SGCD: variants seen among roughly 807,000 people sequenced by gnomAD.
SGCD encodes sarcoglycan delta, also known as delta-sarcoglycan.
In SGCD, 18 loss-of-function variants were observed where a neutral mutation model predicts 36.6. The observed-to-expected ratio is 0.49, with a 90% confidence interval of 0.34 to 0.73. The LOEUF (loss-of-function observed/expected upper bound fraction) is 0.73. Ranked by LOEUF, SGCD falls within the 30% of genes least tolerant of loss-of-function variation. The probability of loss-of-function intolerance (pLI) is 0.01; values close to 1 mark genes in which losing one functional copy is unlikely to be tolerated. For missense variants in SGCD, 387 were observed against 346.7 expected (o/e 1.12, Z -0.92); for synonymous variants, 133 against 130.6 (o/e 1.02, Z -0.12).
At chr5:156,392,360 G>C (rs1279025848) in intron 3 of SGCD, among the ~76,000 whole-genome samples, 1 of 152,198 alleles carries the variant, frequency 6.6e-6, no homozygotes, top group African/African-American at 2.4e-5. Context: ...GTGAAATGGG[G>C]AAAGTTCCCT....
At chr5:156,174,659 A>G (rs751892519) in intron 3 of SGCD, among the ~76,000 whole-genome samples, 3 of 152,216 alleles carry the variant, frequency 2.0e-5, no homozygotes, top group African/African-American at 7.2e-5. Context: ...GCCACAATAT[A>G]GGGTTATGGT....
chr5:156,172,307 A>G (rs913750341), intron 3 of SGCD, among the ~76,000 whole-genome samples: 3 of 152,138 alleles, frequency 2.0e-5, no homozygotes, highest in African/African-American at 7.2e-5. Context: ...AAAACAAACA[A>G]ACAAAAAACC....
At chr5:156,404,020 A>G (rs887168757) in intron 3 of SGCD, among the ~76,000 whole-genome samples, 3 of 151,958 alleles carry the variant, frequency 2.0e-5, no homozygotes, top group South Asian at 2.1e-4. Context: ...TTTTTAGTAG[A>G]GACAAGGTTT....
At chr5:156,469,386 G>A (rs1222166874) in intron 3 of SGCD, among the ~76,000 whole-genome samples, 1 of 152,148 alleles carries the variant, frequency 6.6e-6, no homozygotes, top group Non-Finnish European at 1.5e-5. Context: ...GATAATCCAA[G>A]CTATTAAGAA....
chr5:156,121,366 C>CT (rs1271950358), intron 2 of SGCD, among the ~76,000 whole-genome samples: 22 of 152,234 alleles, frequency 1.4e-4, no homozygotes, highest in Admixed American at 3.9e-4. Flanking sequence ...CATCATCTCT[C>CT]TTTTATAGAA....
intron 7 of SGCD, among the ~76,000 whole-genome samples, chr5:156,688,352 C>A (rs994518556): frequency 3.9e-5 from 6 of 152,140 alleles, no homozygotes; most frequent in Non-Finnish European, 7.4e-5. Context: ...TTATTCACAG[C>A]AAGTACTGTT....
chr5:156,513,374 T>C (rs1757025795), intron 4 of SGCD, among the ~76,000 whole-genome samples: 2 of 152,202 alleles, frequency 1.3e-5, no homozygotes, highest in African/African-American at 2.4e-5. Flanking sequence ...TTCACCACTT[T>C]GTTATCTTCA....
intron 6 of SGCD, among the ~76,000 whole-genome samples, chr5:156,631,144 A>T (rs1434068591): frequency 6.6e-6 from 1 of 152,174 alleles, no homozygotes; most frequent in Non-Finnish European, 1.5e-5. Context: ...TTGAAAGCTG[A>T]GTCATTTTCA....
intron 4 of SGCD, among the ~76,000 whole-genome samples, chr5:156,563,399 C>G (rs963917017): frequency 1.3e-5 from 2 of 152,060 alleles, no homozygotes; most frequent in African/African-American, 4.8e-5. Flanking sequence ...ACAGAGAGAC[C>G]AAGGGAAATA....
At chr5:156,409,821 G>A (rs1427935280) in intron 3 of SGCD, among the ~76,000 whole-genome samples, 1 of 152,052 alleles carries the variant, frequency 6.6e-6, no homozygotes, top group Non-Finnish European at 1.5e-5. Flanking sequence ...CACCATCCCA[G>A]CCTCCTCATT....
At chr5:156,180,264 T>C (rs550278289) in intron 3 of SGCD, among the ~76,000 whole-genome samples, 1 of 152,306 alleles carries the variant, frequency 6.6e-6, no homozygotes, top group African/African-American at 2.4e-5. Context: ...ACCATAATAC[T>C]TAATGGTGAA....
At chr5:156,424,245 C>G (rs976662501) in intron 3 of SGCD, among the ~76,000 whole-genome samples, 3 of 151,878 alleles carry the variant, frequency 2.0e-5, no homozygotes, top group African/African-American at 7.3e-5. Flanking sequence ...TGGTGTGTAT[C>G]TGATTTCTTC....
chr5:156,633,725 TC>T (rs151318600), intron 6 of SGCD, among the ~76,000 whole-genome samples: 3,534 of 152,268 alleles, frequency 0.023, 143 homozygotes, highest in African/African-American at 0.08. Context: ...CCCACAGTAA[TC>T]TGCTAGGAAA....
At chr5:156,480,522 A>G (rs1258460118) in intron 3 of SGCD, among the ~76,000 whole-genome samples, 1 of 152,242 alleles carries the variant, frequency 6.6e-6, no homozygotes, top group Admixed American at 6.5e-5. Flanking sequence ...CACTGTGCAA[A>G]GGAAATCAGA....
chr5:155,865,040 TGAG>T, the SGCD span, among the ~76,000 whole-genome samples: 1 of 151,888 alleles, frequency 6.6e-6, no homozygotes, highest in Non-Finnish European at 1.5e-5. Context: ...TAAAACCTAT[TGAG>T]GACCCCAAAG....
Position 156,523,792 on chromosome 5 carries a change from C to T in SGCD, c.294+15090C>T, listed in dbSNP as rs1222235587. Among the ~76,000 whole-genome samples the T allele has an allele frequency of 2.6e-5, 4 of 151,874 alleles. No homozygotes were observed. In the East Asian group the frequency reaches 5.8e-4, roughly 22 times the overall value. ...CAGTTTGGCATAGTCTCACCAGTCA[C>T]TATTGTGTCATACCCAGTTACTTAA... On this transcript the variant is annotated intron_variant, in intron 4 of 8. Transcript: ENST00000337851.
chr5:155,998,147 G>C (rs1758593927), intron 1 of SGCD, among the ~76,000 whole-genome samples: 1 of 152,188 alleles, frequency 6.6e-6, no homozygotes, highest in Non-Finnish European at 1.5e-5. Flanking sequence ...ATGAAGATCT[G>C]TGTTGCATTA....
the SGCD span, among the ~76,000 whole-genome samples, chr5:155,853,557 A>G: frequency 3.3e-5 from 5 of 152,192 alleles, no homozygotes; most frequent in Non-Finnish European, 5.9e-5. Flanking sequence ...CGCCTTTAAA[A>G]GTTGATTAAA....
rs570579378 is a variant in SGCD, at chr5:156,621,033, ATTAT to A, written c.502+25986_502+25989del. On this transcript the variant is annotated intron_variant, in intron 6 of 8. Transcript: ENST00000337851. ...TAGCATCAACAAGAAGCTTCTTGAC[ATTAT>A]TTAAGCTGTAGTGTAGGCAGTTCTT... 2.7e-3 allele frequency among the ~76,000 whole-genome samples: 414 copies of A among 152,350 alleles called. 1 individual carries two copies. Among genetic ancestry groups the A allele is most frequent in the African/African-American group, 9.4e-3 (391 of 41,588 alleles).
Sources: allele counts gnomAD v4.1 joint callset (sites outside exome capture counted in the v4.1 genomes callset), GRCh38; gene constraint gnomAD v4.1.1; transcripts MANE v1.5; gene names NCBI Gene and HGNC (gene_info 2026-07-23, HGNC 2026-07-21).